SLC1A2: variants seen among roughly 807,000 people sequenced by gnomAD.
The protein encoded by SLC1A2 is excitatory amino acid transporter 2.
Under a neutral mutation model 48.8 loss-of-function variants are expected in SLC1A2, and 15 were observed. That is an observed-to-expected ratio of 0.31 (90% CI 0.21 to 0.47). SLC1A2 has a LOEUF of 0.47. Ranked by LOEUF, SLC1A2 falls within the 20% of genes least tolerant of loss-of-function variation. The probability of loss-of-function intolerance (pLI) is 0.99; values close to 1 mark genes in which losing one functional copy is unlikely to be tolerated. For missense variants in SLC1A2, 502 were observed against 730.5 expected (o/e 0.69, Z 3.61); for synonymous variants, 279 against 272.6 (o/e 1.02, Z -0.23).
chr11:35,389,960 A>G (rs1854710838), intron 1 of SLC1A2, among the ~76,000 whole-genome samples: 1 of 152,174 alleles, frequency 6.6e-6, no homozygotes, highest in South Asian at 2.1e-4. Context: ...TCTGTTTGCT[A>G]TCTGTAAAAT....
chr11:35,323,447 A>T (rs1298384001), intron 1 of SLC1A2: 1 of 152,296 alleles, frequency 6.6e-6, no homozygotes, highest in African/African-American at 2.4e-5. Context: ...AGGTTTAAGT[A>T]TCAATTTTGG....
intron 5 of SLC1A2, 132 bp from the exon 6 acceptor site, chr11:35,301,777 G>T: frequency 2.5e-6 from 2 of 806,524 alleles, no homozygotes; most frequent in South Asian, 1.8e-5. Context: ...GACATTAAAA[G>T]AACAAAGCAT....
intron 1 of SLC1A2, among the ~76,000 whole-genome samples, chr11:35,393,514 G>A (rs1260113160): frequency 6.6e-6 from 1 of 152,114 alleles, no homozygotes; most frequent in Non-Finnish European, 1.5e-5. Context: ...ATATCCCCCA[G>A]TGTGTGGCAT....
At chr11:35,299,395 A>ATG (rs1851282242) in intron 6 of SLC1A2, 1 of 151,730 alleles carries the variant, frequency 6.6e-6, no homozygotes, top group South Asian at 2.1e-4. Context: ...ATATATATAT[A>ATG]TATATTTTAC....
chr11:35,361,700 G>C (rs1451467345), intron 1 of SLC1A2, among the ~76,000 whole-genome samples: 3 of 152,114 alleles, frequency 2.0e-5, no homozygotes, highest in Non-Finnish European at 4.4e-5. Flanking sequence ...TTGTCAGCTG[G>C]GTACGGTGGC....
At chr11:35,335,641 G>A (rs1213516469) in intron 1 of SLC1A2, among the ~76,000 whole-genome samples, 1 of 152,118 alleles carries the variant, frequency 6.6e-6, no homozygotes, top group Admixed American at 6.5e-5. Flanking sequence ...GTTACTACCA[G>A]GGTCTTCACA....
intron 9 of SLC1A2, among the ~76,000 whole-genome samples, chr11:35,267,010 T>C (rs1034217687): frequency 3.3e-5 from 5 of 152,100 alleles, no homozygotes; most frequent in African/African-American, 1.2e-4. Context: ...TGGAAAAAAA[T>C]ATGATCAGAG....
chr11:35,317,698 T>C (rs1458733020), intron 1 of SLC1A2, among the ~76,000 whole-genome samples, 182 bp from the exon 2 acceptor site: 1 of 152,182 alleles, frequency 6.6e-6, no homozygotes, highest in African/African-American at 2.4e-5. Context: ...TGAGAACTGA[T>C]GTGGATCCTC....
intron 1 of SLC1A2, among the ~76,000 whole-genome samples, chr11:35,398,943 T>C (rs1236578001): frequency 1.3e-5 from 2 of 152,188 alleles, no homozygotes; most frequent in Non-Finnish European, 2.9e-5. Context: ...TACATGAGAA[T>C]AAGCAGAGGG....
intron 4 of SLC1A2, 49 bp from the exon 5 acceptor site, chr11:35,306,291 G>T: frequency 7.0e-7 from 1 of 1,429,730 alleles, no homozygotes; most frequent in Non-Finnish European, 9.5e-7. Flanking sequence ...TGGCCTATAA[G>T]GTGAAAAAAA....
intron 1 of SLC1A2, among the ~76,000 whole-genome samples, chr11:35,351,201 C>A (rs1199943368): frequency 6.6e-6 from 1 of 152,212 alleles, no homozygotes; most frequent in African/African-American, 2.4e-5. Flanking sequence ...GGTAGGCTAA[C>A]CATGATCAGG....
At chr11:35,328,742 A>C (rs1852329114) in intron 1 of SLC1A2, among the ~76,000 whole-genome samples, 1 of 152,172 alleles carries the variant, frequency 6.6e-6, no homozygotes, top group Non-Finnish European at 1.5e-5. Flanking sequence ...AGAGAGAAGA[A>C]AGTTAACACC....
chr11:35,375,000 T>C (rs1435435456), intron 1 of SLC1A2, among the ~76,000 whole-genome samples: 1 of 152,214 alleles, frequency 6.6e-6, no homozygotes, highest in Non-Finnish European at 1.5e-5. Flanking sequence ...CATAGTTTAA[T>C]TGATACAAAC....
rs1292499105 is a variant in SLC1A2, at chr11:35,388,258, T to A, written c.17+30692A>T. Reference sequence around the variant, plus strand: ...ATGAGTCATAGATTTATTTAAAATGTCTTTCATCCCATTGCTAAAGAGCAG... The same window carrying A: ...ATGAGTCATAGATTTATTTAAAATGACTTTCATCCCATTGCTAAAGAGCAG... On this transcript the variant is annotated intron_variant, in intron 1 of 10. Coordinates refer to ENST00000278379, the MANE Select transcript of SLC1A2 (RefSeq NM_004171.4). Among the ~76,000 whole-genome samples the A allele has an allele frequency of 2.6e-5, 4 of 152,260 alleles. No homozygotes were observed. The East Asian group carries it at 7.7e-4, about 29-fold the overall frequency.
At position 35,258,014 on chromosome 11, in the gene SLC1A2, G is replaced by A. The variant is rs554274906; in HGVS notation, c.*2880C>T. ...TTCTATTTAGATAAAGGTTATTAGAGGTATACCCTGGATCCATTTGTTCTG... is the reference window on the plus strand; with the variant it reads ...TTCTATTTAGATAAAGGTTATTAGAAGTATACCCTGGATCCATTTGTTCTG... On this transcript the variant is annotated 3_prime_UTR_variant, in exon 11 of 11. Transcript: ENST00000278379. The A allele has an allele frequency of 2.7e-4, 41 of 152,262 alleles. No homozygotes were observed. The South Asian group carries it at 7.7e-3, about 28-fold the overall frequency. 9.4% of individuals were successfully genotyped at this position (152,262 alleles called of 1,614,324 possible). A position where few individuals can be genotyped will look rare whatever the true frequency, so the allele number is the denominator to read the frequency against.
chr11:35,317,664 T>A, intron 1 of SLC1A2, 148 bp from the exon 2 acceptor site: 1 of 918,238 alleles, frequency 1.1e-6, no homozygotes, highest in Non-Finnish European at 1.7e-6. Context: ...CAGGGTCACC[T>A]ATAAGCAGGA....
Position 35,280,946 on chromosome 11 carries a change from C to A in SLC1A2, c.1342G>T (p.Val448Phe). ...GAASIPSAGL[V>F]TMLLILTAVG... ...GCTGTCAGAATGAGGAGCATGGTGA[C>A]CAGCCCGGCACTGGGGATACTGGCC... Residue 448 changes from valine to phenylalanine, a missense_variant, in exon 9 of 11, where the codon GTC becomes TTC. By Grantham distance (50) the Val-to-Phe change is conservative. Coordinates refer to ENST00000278379, the MANE Select transcript of SLC1A2 (RefSeq NM_004171.4). The A allele has an allele frequency of 6.2e-7, 1 of 1,613,188 alleles. No individual in the cohort carries two copies. The highest frequency in any genetic ancestry group is 8.5e-7 in the Non-Finnish European group (1 of 1,179,768).
intron 1 of SLC1A2, among the ~76,000 whole-genome samples, chr11:35,398,061 T>C (rs948155708): frequency 1.3e-5 from 2 of 152,174 alleles, no homozygotes; most frequent in African/African-American, 4.8e-5. Flanking sequence ...TTTCTCAACA[T>C]GCTTTGACTG....
At position 35,339,383 on chromosome 11, in the gene SLC1A2, C is replaced by T. The variant is rs1852753109; in HGVS notation, c.18-21867G>A. Reference sequence around the variant, plus strand: ...AACTGGAACTATCCGTTCCACAGGGCATCTTCTTATACTCTGCTTTGAAGG... The same window carrying T: ...AACTGGAACTATCCGTTCCACAGGGTATCTTCTTATACTCTGCTTTGAAGG... On this transcript the variant is annotated intron_variant, in intron 1 of 10. Coordinates refer to ENST00000278379, the MANE Select transcript of SLC1A2 (RefSeq NM_004171.4). Among the ~76,000 whole-genome samples, 3 of 152,200 alleles carry T rather than the reference C, an allele frequency of 2.0e-5. No homozygotes were observed. In the South Asian group the frequency reaches 6.2e-4, roughly 32 times the overall value.
Sources: allele counts gnomAD v4.1 joint callset (sites outside exome capture counted in the v4.1 genomes callset), GRCh38; gene constraint gnomAD v4.1.1; transcripts MANE v1.5; gene names NCBI Gene and HGNC (gene_info 2026-07-23, HGNC 2026-07-21).